Variants in AGO3 observed in about 807,000 individuals in gnomAD.
AGO3 encodes the protein argonaute RISC catalytic component 3.
AGO3 carries 16 observed loss-of-function variants against 105.5 expected under a neutral mutation model. The ratio of observed to expected loss-of-function variants is 0.15; its 90% CI spans 0.10 to 0.23. The LOEUF (loss-of-function observed/expected upper bound fraction) is 0.23. Among genes scored for constraint, AGO3 ranks in the 10% least tolerant of loss-of-function variants. AGO3 has a pLI of 1.00. For synonymous variants in AGO3, 340 were observed against 367.3 expected (o/e 0.93, Z 0.85); for missense variants, 534 against 1,088.0 (o/e 0.49, Z 7.16).
At chr1:35,987,483 ACT>A (rs1006421537) in intron 5 of AGO3, among the ~76,000 whole-genome samples, 6 of 151,888 alleles carry the variant, frequency 4.0e-5, no homozygotes, top group African/African-American at 2.4e-5. Flanking sequence ...ACAGAGTAAG[ACT>A]CTGTTTCAAA....
chr1:35,931,780 TTG>T (rs1440202801), intron 1 of AGO3, among the ~76,000 whole-genome samples: 2 of 152,258 alleles, frequency 1.3e-5, no homozygotes, highest in Non-Finnish European at 2.9e-5. Flanking sequence ...TTTAGCCAGG[TTG>T]TGTGTTCCGT....
intron 5 of AGO3, among the ~76,000 whole-genome samples, chr1:35,995,409 G>T (rs945798134): frequency 6.6e-6 from 1 of 151,828 alleles, no homozygotes; most frequent in Non-Finnish European, 1.5e-5. Context: ...TGATACTGGG[G>T]TAAAGATTGT....
At chr1:36,028,415 T>G (rs1407954694) in intron 12 of AGO3, among the ~76,000 whole-genome samples, 1 of 55,234 alleles carries the variant, frequency 1.8e-5, no homozygotes, top group Non-Finnish European at 3.4e-5. Context: ...CCCACAACAG[T>G]CCCCAGAGTG....
At chr1:35,977,728 G>A (rs1384928049) in intron 5 of AGO3, among the ~76,000 whole-genome samples, 1 of 151,890 alleles carries the variant, frequency 6.6e-6, no homozygotes, top group East Asian at 1.9e-4. Context: ...GTGTATTTTT[G>A]TGGTTTTCCC....
intron 14 of AGO3, among the ~76,000 whole-genome samples, chr1:36,038,400 T>C (rs562685469): frequency 2.4e-4 from 36 of 151,844 alleles, no homozygotes; most frequent in Non-Finnish European, 4.4e-4. Flanking sequence ...GGACTACAGG[T>C]GCACGCTGAC....
intron 1 of AGO3, among the ~76,000 whole-genome samples, chr1:35,938,848 GT>G (rs1015371633): frequency 6.6e-6 from 1 of 151,700 alleles, no homozygotes. Context: ...TTCACTGCTT[GT>G]TTTTTTTCAT....
At chr1:35,945,583 G>C in intron 1 of AGO3, 109 bp from the exon 2 acceptor site, 1 of 1,072,946 alleles carries the variant, frequency 9.3e-7, no homozygotes, top group Non-Finnish European at 1.4e-6. Flanking sequence ...TGCAGAACTA[G>C]GTTTTAGCCA....
chr1:36,053,268 A>T (rs868655276), intron 17 of AGO3, among the ~76,000 whole-genome samples: 4 of 151,728 alleles, frequency 2.6e-5, no homozygotes, highest in Middle Eastern at 6.8e-3. Context: ...AACTTTTAAA[A>T]TTTTTATTTT....
At position 36,064,602 on chromosome 1, in the gene AGO3, G is replaced by A. The variant is rs1171996548; in HGVS notation, c.*8857G>A. ...TTACTGTAGTGTATTCCACTGAGAG[G>A]CAAGGAAATGGGAAAGTGTCAGGTA... On this transcript the variant is annotated 3_prime_UTR_variant, in exon 19 of 19. Coordinates refer to ENST00000373191, the MANE Select transcript of AGO3 (RefSeq NM_024852.4). The A allele has an allele frequency of 6.6e-6, 1 of 152,040 alleles. No individual in the cohort carries two copies. Among genetic ancestry groups the A allele is most frequent in the Non-Finnish European group, 1.5e-5 (1 of 68,018 alleles). The allele number at this position is 152,040 out of a possible 1,614,324, so 9.4% of individuals were successfully genotyped here. A position where few individuals can be genotyped will look rare whatever the true frequency, so the allele number is the denominator to read the frequency against.
chr1:35,968,966 G>A (rs1646819850), intron 3 of AGO3, among the ~76,000 whole-genome samples: 1 of 150,960 alleles, frequency 6.6e-6, no homozygotes, highest in Non-Finnish European at 1.5e-5. Flanking sequence ...ATATCTCATT[G>A]TGGTTTTGAT....
At position 36,055,379 on chromosome 1, in the gene AGO3, A is replaced by C. The variant is rs1642882305; in HGVS notation, c.2474+234A>C. 1.1e-5 allele frequency: 7 copies of C among 611,468 alleles called. No homozygotes were observed. In the South Asian group the frequency reaches 1.4e-4, roughly 12 times the overall value. The allele number at this position is 611,468 out of a possible 1,614,324, so 37.9% of individuals were successfully genotyped here. On this transcript the variant is annotated intron_variant, in intron 18 of 18. Transcript: ENST00000373191. This position sits in a 1 kb window ranked among gnomAD's most constrained non-coding sequence, Gnocchi z 4.4. ...TCAAAGGAGAGATTATTGGTAATAA[A>C]GTGATACATTCAGACAGATAGACAA... is the stretch of plus-strand genomic sequence containing the variant.
intron 5 of AGO3, among the ~76,000 whole-genome samples, chr1:35,999,985 G>A (rs1640007421): frequency 6.6e-6 from 1 of 151,760 alleles, no homozygotes; most frequent in Non-Finnish European, 1.5e-5. Context: ...TACCAGATTA[G>A]GGAAGTTCCC....
upstream of AGO3, chr1:35,930,904 C>T (rs965946623): frequency 7.7e-6 from 2 of 258,308 alleles, no homozygotes; most frequent in African/African-American, 4.5e-5. Context: ...CGCGTTGTCT[C>T]CGGCCGGCAC....
intron 11 of AGO3, among the ~76,000 whole-genome samples, chr1:36,023,000 T>G (rs966188209): frequency 1.3e-5 from 2 of 151,430 alleles, no homozygotes; most frequent in African/African-American, 4.9e-5. Flanking sequence ...TCTCTGTGAA[T>G]TTCCAAAAGC....
chr1:36,020,632 T>C (rs897352787), intron 11 of AGO3, among the ~76,000 whole-genome samples: 3 of 152,142 alleles, frequency 2.0e-5, no homozygotes, highest in Admixed American at 6.5e-5. Context: ...TATTTATTTA[T>C]TGAGACGGAA....
intron 13 of AGO3, 77 bp downstream of exon 13, chr1:36,034,410 A>G (rs1041001047): frequency 1.7e-5 from 18 of 1,077,932 alleles, no homozygotes; most frequent in Non-Finnish European, 2.1e-5. Flanking sequence ...TCTAACTACT[A>G]TAAGGGCTGT....
chr1:36,046,155 A>G (rs1478023023), intron 17 of AGO3, among the ~76,000 whole-genome samples: 1 of 152,074 alleles, frequency 6.6e-6, no homozygotes, highest in African/African-American at 2.4e-5. Context: ...ACATAAGTGT[A>G]CCCTCCCAAC....
intron 1 of AGO3, among the ~76,000 whole-genome samples, chr1:35,941,795 C>T (rs765572830): frequency 1.7e-4 from 26 of 152,124 alleles, no homozygotes; most frequent in Admixed American, 7.2e-4. Context: ...GAGTTCAGGA[C>T]GAGCCTGGGC....
Position 35,943,865 on chromosome 1 carries a change from T to G in AGO3, c.20-1827T>G, listed in dbSNP as rs1476739596. On this transcript the variant is annotated intron_variant, in intron 1 of 18. Transcript: ENST00000373191. ...GTCTGCCCACCTCGGCCTCCCAAAG[T>G]GCTGGGATTACAGGTGTGAGCCACC... 2.0e-5 allele frequency among the ~76,000 whole-genome samples: 3 copies of G among 152,174 alleles called. No individual in the cohort carries two copies. In the East Asian group the frequency reaches 5.8e-4, roughly 29 times the overall value.
Sources: allele counts gnomAD v4.1 joint callset (sites outside exome capture counted in the v4.1 genomes callset), GRCh38; gene constraint gnomAD v4.1.1; non-coding constraint Gnocchi (gnomAD v3.1); transcripts MANE v1.5; gene names NCBI Gene and HGNC (gene_info 2026-07-23, HGNC 2026-07-21).